The following BTN3A3 variants were observed in gnomAD, a reference collection of about 807,000 sequenced individuals.
The protein encoded by BTN3A3 is butyrophilin subfamily 3 member A3.
A neutral mutation model predicts 43.2 loss-of-function variants in BTN3A3; 39 were observed. The observed-to-expected ratio is 0.90, with a 90% CI of 0.70 to 1.18. The LOEUF (loss-of-function observed/expected upper bound fraction) is 1.18. Among genes scored for constraint, BTN3A3 ranks in the 50% most tolerant of loss-of-function variants. The pLI is 0.00. For missense variants in BTN3A3, 631 were observed against 722.8 expected, an observed-to-expected ratio of 0.87 and a Z score of 1.46; for synonymous variants, 255 against 272.7, an observed-to-expected ratio of 0.93 and a Z score of 0.64.
Position 26,444,205 on chromosome 6 carries a change from C to T in BTN3A3, c.334C>T (p.Arg112Ter), listed in dbSNP as rs372313829. ...DGITAGKAALRIHNVTASDSG... is the reference protein window; with the variant it reads ...DGITAGKAAL ...CATCACTGCAGGGAAGGCTGCTCTC[C>T]GAATACACAACGTCACAGCCTCTGA... Residue 112 changes from arginine to a stop codon, truncating the protein, a stop_gained, in exon 4 of 11, where the codon CGA becomes TGA. Coordinates refer to ENST00000244519, the MANE Select transcript of BTN3A3 (RefSeq NM_006994.5). LOFTEE classifies it high-confidence loss of function. 7.6e-5 allele frequency: 123 copies of T among 1,611,816 alleles called. No homozygotes were observed. Among genetic ancestry groups the T allele is most frequent in the Non-Finnish European group, 9.3e-5 (110 of 1,179,856 alleles).
At chr6:26,440,991 A>C (rs1762615004) in intron 1 of BTN3A3, among the ~76,000 whole-genome samples, 1 of 150,172 alleles carries the variant, frequency 6.7e-6, no homozygotes, top group Non-Finnish European at 1.5e-5. Flanking sequence ...AGAAAAGGGC[A>C]AAAAAGTCGC....
chr6:26,450,737 C>T (rs923161536), intron 10 of BTN3A3, among the ~76,000 whole-genome samples: 2 of 152,080 alleles, frequency 1.3e-5, no homozygotes, highest in African/African-American at 4.8e-5. Flanking sequence ...AGTGCAGTGC[C>T]CCCATGGTTC....
Position 26,444,096 on chromosome 6 carries a change from G to A in BTN3A3, c.225G>A (p.Val75=), listed in dbSNP as rs747426625. 5.0e-6 allele frequency: 8 copies of A among 1,613,864 alleles called. No individual in the cohort carries two copies. Among genetic ancestry groups the A allele is most frequent in the East Asian group, 4.5e-5 (2 of 44,902 alleles). The change falls in exon 4 of 11, where the codon GTG becomes GTA. Residue 75 remains valine, a synonymous_variant. Transcript: ENST00000244519. ...GGGTGAGTTCCAGCCTAAGGCAGGT[G>A]GTGAACGTGTATGCAGATGGAAAGG... ...LRWVSSSLRQ[V]VNVYADGKEV... is the part of the protein sequence containing the mutation.
At chr6:26,448,528 C>T in intron 6 of BTN3A3, 80 bp downstream of exon 6, 2 of 1,609,428 alleles carry the variant, frequency 1.2e-6, no homozygotes, top group Non-Finnish European at 1.7e-6. Context: ...CCCACCCTGA[C>T]ACTGCATCAA....
rs748444480 is a variant in BTN3A3, at chr6:26,448,259, A to G, written c.727A>G (p.Arg243Gly). 8 of 1,612,832 alleles carry G rather than the reference A, an allele frequency of 5.0e-6. No individual in the cohort carries two copies. The Admixed American group carries it at 1.0e-4, about 20-fold the overall frequency. The change falls in exon 6 of 11, where the codon AGG (arginine) becomes GGG (glycine). Residue 243 changes from arginine (R) to glycine (G), a missense_variant. By Grantham distance (125) the Arg-to-Gly change is moderately radical. This residue lies in a region of BTN3A3 where 551 missense variants were observed against 584.0 expected (regional missense o/e 0.94). Coordinates refer to ENST00000244519, the MANE Select transcript of BTN3A3 (RefSeq NM_006994.5). ...ASISIADPFF[R>G]SAQPWIAALA... ...TCTCCCCTTCGCAGACCCCTTCTTCAGGAGCGCCCAGCCCTGGATCGCGGC... is the reference window on the plus strand; with the variant it reads ...TCTCCCCTTCGCAGACCCCTTCTTCGGGAGCGCCCAGCCCTGGATCGCGGC...
chr6:26,442,671 T>TA (rs1762669753), intron 1 of BTN3A3, among the ~76,000 whole-genome samples: 1 of 152,242 alleles, frequency 6.6e-6, no homozygotes, highest in Non-Finnish European at 1.5e-5. Context: ...TTACCACTTT[T>TA]ATACTTTAAA....
At chr6:26,440,772 CTGTGTGTGTGTG>C (rs55866097) in intron 1 of BTN3A3, 124 bp downstream of exon 1, 13,530 of 147,784 alleles carry the variant, frequency 0.092, 802 homozygotes, top group Non-Finnish European at 0.12. Flanking sequence ...TGCAGTGCCT[CTGTGTGTGTGTG>C]TGTGTGTGTG....
At chr6:26,443,544 A>G (rs749872409) in intron 2 of BTN3A3, 26 bp from the exon 3 acceptor site, 4 of 1,612,982 alleles carry the variant, frequency 2.5e-6, no homozygotes, top group South Asian at 2.2e-5. Context: ...TCTGTCCCAC[A>G]CCTTCTGGTA....
At chr6:26,446,691 TG>T (rs1468573652) in intron 5 of BTN3A3, among the ~76,000 whole-genome samples, 4 of 152,192 alleles carry the variant, frequency 2.6e-5, no homozygotes, top group Admixed American at 2.0e-4. Flanking sequence ...TTGTATGAGA[TG>T]ATCCATGTAA....
rs1762869722 is a variant in BTN3A3, at chr6:26,449,474, T to C, written c.965-188T>C. On this transcript the variant is annotated intron_variant, in intron 8 of 10. Transcript: ENST00000244519. ...CACAGTGACTGCCCTGCCACTAGCATTCAACCAATGTTCCCAGACTTGATA... is the reference window on the plus strand; with the variant it reads ...CACAGTGACTGCCCTGCCACTAGCACTCAACCAATGTTCCCAGACTTGATA... 6.2e-6 allele frequency: 4 copies of C among 646,110 alleles called. No homozygotes were observed. In the Admixed American group the frequency reaches 8.7e-5, roughly 14 times the overall value. 40.0% of individuals were successfully genotyped at this position (646,110 alleles called of 1,614,324 possible).
intron 4 of BTN3A3, chr6:26,444,507 A>C: frequency 1.2e-6 from 1 of 802,142 alleles, no homozygotes; most frequent in Non-Finnish European, 1.9e-6. Context: ...TACATGCCGA[A>C]GTAAACAACT....
intron 5 of BTN3A3, 89 bp from the exon 6 acceptor site, chr6:26,448,159 A>G: frequency 6.9e-7 from 1 of 1,455,462 alleles, no homozygotes; most frequent in Non-Finnish European, 9.2e-7. Context: ...CATGCCCCCA[A>G]CCTGGGCTGA....
intron 4 of BTN3A3, 70 bp from the exon 5 acceptor site, chr6:26,445,634 A>G (rs1762755533): frequency 2.0e-6 from 3 of 1,522,838 alleles, no homozygotes; most frequent in Non-Finnish European, 2.7e-6. Context: ...TGAGTCTGCC[A>G]TTGATTCCCA....
At chr6:26,445,674 A>T in intron 4 of BTN3A3, 30 bp from the exon 5 acceptor site, 1 of 1,602,854 alleles carries the variant, frequency 6.2e-7, no homozygotes, top group Non-Finnish European at 8.5e-7. Flanking sequence ...AGGAGCTCTC[A>T]AGAATTTAGG....
At chr6:26,451,636 A>C (rs374086364) in intron 10 of BTN3A3, 39 bp from the exon 11 acceptor site, 6 of 1,572,604 alleles carry the variant, frequency 3.8e-6, no homozygotes, top group Non-Finnish European at 5.2e-6. Context: ...TCCAGGAAAA[A>C]TGGCTGACCC....
chr6:26,445,704 C>T lies in BTN3A3; in HGVS notation c.434C>T (p.Ala145Val). 1.2e-6 allele frequency: 2 copies of T among 1,613,334 alleles called. No homozygotes were observed. The highest frequency in any genetic ancestry group is 2.7e-5 in the African/African-American group (2 of 75,028). ...TTTAGGGCAATTTATCCTTCTACAGCATTGGGTTCTGATCTTCACATTGAA... is the reference window on the plus strand; with the variant it reads ...TTTAGGGCAATTTATCCTTCTACAGTATTGGGTTCTGATCTTCACATTGAA... Reference protein sequence around the residue: ...EKALVELKVAALGSDLHIEVK... With the variant: ...EKALVELKVAVLGSDLHIEVK... The change falls in exon 5 of 11, where the codon GCA (alanine) becomes GTA (valine). Residue 145 changes from alanine to valine, a missense_variant and splice_region_variant. Transcript: ENST00000244519.
At position 26,445,777 on chromosome 6, in the gene BTN3A3, T is replaced by C. The variant is rs1256049107; in HGVS notation, c.507T>C (p.Thr169=). The change falls in exon 5 of 11, where the codon ACT becomes ACC. Residue 169 remains threonine, a synonymous_variant. Coordinates refer to ENST00000244519, the MANE Select transcript of BTN3A3 (RefSeq NM_006994.5). The part of the protein sequence containing the change: ...DGGIHLECRS[T]GWYPQPQIKW... ...GGATCCATCTGGAGTGCAGGTCCAC[T>C]GGCTGGTACCCCCAACCCCAAATAA... 6.2e-7 allele frequency: 1 copy of C among 1,614,074 alleles called. No homozygotes were observed. Among genetic ancestry groups the C allele is most frequent in the Non-Finnish European group, 8.5e-7 (1 of 1,180,040 alleles).
intron 9 of BTN3A3, 56 bp from the exon 10 acceptor site, chr6:26,450,051 T>G: frequency 6.4e-7 from 1 of 1,558,314 alleles, no homozygotes; most frequent in Non-Finnish European, 8.8e-7. Flanking sequence ...GAGAATGGAG[T>G]GGAGAAAAGA....
intron 4 of BTN3A3, chr6:26,445,326 G>A (rs1037415929): frequency 8.8e-6 from 2 of 226,088 alleles, no homozygotes; most frequent in African/African-American, 4.5e-5. Flanking sequence ...GTAGGAAGAA[G>A]AGAAAAGGGA....
Sources: gnomAD v4.1 joint callset for allele counts (sites outside exome capture counted in the v4.1 genomes callset) on GRCh38, gnomAD v4.1.1 for gene constraint, gnomAD v4.1.1 regional missense constraint, MANE v1.5 for transcripts, NCBI Gene and HGNC (gene_info 2026-07-23, HGNC 2026-07-21) for gene names.